CAV1: variants seen among roughly 807,000 people sequenced by gnomAD.
The protein encoded by CAV1 is caveolin 1, also known as caveolin-1.
Under a neutral mutation model 16.5 loss-of-function variants are expected in CAV1, and 10 were observed. That is an observed-to-expected ratio of 0.61 (90% CI 0.37 to 1.03). CAV1 has a LOEUF of 1.03. Ranked by LOEUF, CAV1 falls within the 50% of genes least tolerant of loss-of-function variation. The pLI, the probability that CAV1 is intolerant of heterozygous loss-of-function variation, is 0.01. For missense variants in CAV1, 212 were observed against 232.8 expected (o/e 0.91, Z 0.58); for synonymous variants, 76 against 85.1 (o/e 0.89, Z 0.59).
intron 2 of CAV1, among the ~76,000 whole-genome samples, chr7:116,534,548 C>T (rs745318728): frequency 4.0e-5 from 6 of 149,860 alleles, no homozygotes; most frequent in Admixed American, 6.7e-5. Flanking sequence ...TACAGGCGCC[C>T]GCCACCACGG....
rs1168355475 is a variant in CAV1 at position 116,560,522 on chromosome 7, A to T, written c.*1235A>T. ...CCCCCTGCCAGGAGCTTTGGACCTA[A>T]TCCAAGCATCCCTTTGCCCAGAAAG... On this transcript the variant is annotated 3_prime_UTR_variant, in exon 3 of 3. Transcript: ENST00000341049. The T allele has an allele frequency of 6.6e-6, 1 of 152,192 alleles. No homozygotes were observed. Among genetic ancestry groups the T allele is most frequent in the Non-Finnish European group, 1.5e-5 (1 of 68,042 alleles). 9.4% of individuals were successfully genotyped at this position (152,192 alleles called of 1,614,324 possible). A position where few individuals can be genotyped will look rare whatever the true frequency, so the allele number is the denominator to read the frequency against.
chr7:116,545,244 G>A (rs1794017720), intron 2 of CAV1, among the ~76,000 whole-genome samples: 2 of 152,106 alleles, frequency 1.3e-5, no homozygotes, highest in African/African-American at 4.8e-5. Context: ...TAGAGAAGCG[G>A]GGATGCTTAT....
chr7:116,530,212 T>TTTTC (rs1162219367), intron 2 of CAV1, among the ~76,000 whole-genome samples: 1 of 149,364 alleles, frequency 6.7e-6, no homozygotes, highest in East Asian at 1.9e-4. Context: ...TTTTTCCTTT[T>TTTTC]TTTTTTTTTG....
At chr7:116,548,062 C>T (rs1358976451) in intron 2 of CAV1, among the ~76,000 whole-genome samples, 5 of 152,140 alleles carry the variant, frequency 3.3e-5, no homozygotes. Context: ...CAGATCTGCT[C>T]TCCTAGCAGA....
intron 2 of CAV1, among the ~76,000 whole-genome samples, chr7:116,530,208 C>CTCTTTTTTTTT (rs370865342): frequency 8.0e-6 from 1 of 125,360 alleles, no homozygotes; most frequent in African/African-American, 3.2e-5. Flanking sequence ...GTCCTTTTTC[C>CTCTTTTTTTTT]TTTTTTTTTT....
At chr7:116,533,566 A>G (rs1234256341) in intron 2 of CAV1, among the ~76,000 whole-genome samples, 5 of 152,088 alleles carry the variant, frequency 3.3e-5, no homozygotes, top group Non-Finnish European at 7.4e-5. Flanking sequence ...TCCTGGGCTC[A>G]AGCAACTCCT....
At chr7:116,554,114 T>A (rs1364664658) in intron 2 of CAV1, among the ~76,000 whole-genome samples, 4 of 152,176 alleles carry the variant, frequency 2.6e-5, no homozygotes, top group African/African-American at 7.2e-5. Context: ...GCTTTAAGAA[T>A]CCCTTTAGCT....
chr7:116,525,199 C>A, intron 1 of CAV1, 107 bp downstream of exon 1: 2 of 1,613,590 alleles, frequency 1.2e-6, no homozygotes, highest in South Asian at 2.2e-5. Flanking sequence ...GCCCTCTCTC[C>A]ACTTCGGAGC....
At position 116,559,808 on chromosome 7, in the gene CAV1, C is replaced by A. The variant is rs878866269; in HGVS notation, c.*521C>A. ...CATTCACTTCATAATCCAGTAGGAT[C>A]CAGTGATCCTTACAAGTTAGAAAAC... On this transcript the variant is annotated 3_prime_UTR_variant, in exon 3 of 3. Transcript: ENST00000341049. 2.5e-5 allele frequency: 10 copies of A among 406,368 alleles called. No individual in the cohort carries two copies. In the South Asian group the frequency reaches 1.2e-3, roughly 47 times the overall value. The allele number at this position is 406,368 out of a possible 1,614,324, so 25.2% of individuals were successfully genotyped here.
At chr7:116,543,218 G>A (rs1351523931) in intron 2 of CAV1, among the ~76,000 whole-genome samples, 1 of 152,150 alleles carries the variant, frequency 6.6e-6, no homozygotes, top group African/African-American at 2.4e-5. Flanking sequence ...GATTCTAGTT[G>A]ACCAGTATTC....
In CAV1 at chr7:116,559,379, A is replaced by C. The variant is rs543002723; in HGVS notation, c.*92A>C. 2,072 of 806,820 alleles carry C rather than the reference A, an allele frequency of 2.6e-3. 8 individuals are homozygous for C. Among genetic ancestry groups the C allele is most frequent in the Non-Finnish European group, 2.9e-3 (1,380 of 476,002 alleles). The allele number at this position is 806,820 out of a possible 1,614,324, so 50.0% of individuals were successfully genotyped here. On this transcript the variant is annotated 3_prime_UTR_variant, in exon 3 of 3. Transcript: ENST00000341049. ...AGTTCCAAGTTGCTAATACAGCAACAATTTATGAATTGAATTATCTTGGTT... is the reference window on the plus strand; with the variant it reads ...AGTTCCAAGTTGCTAATACAGCAACCATTTATGAATTGAATTATCTTGGTT...
intron 1 of CAV1, 152 bp downstream of exon 1, chr7:116,525,244 C>T (rs543709707): frequency 6.2e-7 from 1 of 1,608,200 alleles, no homozygotes; most frequent in South Asian, 1.1e-5. Flanking sequence ...AGGAATGGGC[C>T]TGGGCGGGGA....
At chr7:116,554,135 A>G (rs1170955476) in intron 2 of CAV1, among the ~76,000 whole-genome samples, 1 of 152,204 alleles carries the variant, frequency 6.6e-6, no homozygotes, top group Non-Finnish European at 1.5e-5. Context: ...TTAAATATCT[A>G]TGAATCTGCT....
At chr7:116,549,478 T>C (rs1209837370) in intron 2 of CAV1, among the ~76,000 whole-genome samples, 1 of 152,212 alleles carries the variant, frequency 6.6e-6, no homozygotes, top group Non-Finnish European at 1.5e-5. Context: ...CTCCATTTCA[T>C]TTTGAGAATG....
chr7:116,526,850 C>A, intron 2 of CAV1, 161 bp downstream of exon 2: 5 of 764,092 alleles, frequency 6.5e-6, no homozygotes, highest in Non-Finnish European at 8.7e-6. Context: ...TGTGTGGGAG[C>A]TCCCGCAGTC....
intron 2 of CAV1, among the ~76,000 whole-genome samples, chr7:116,530,994 T>C (rs150519818): frequency 1.4e-4 from 21 of 152,292 alleles, no homozygotes; most frequent in Middle Eastern, 3.4e-3. Flanking sequence ...ATGAAGACAA[T>C]GCGAAGTGGC....
chr7:116,540,995 C>T lies in CAV1; in HGVS notation c.195+14306C>T, dbSNP rs189051030. Among the ~76,000 whole-genome samples the T allele has an allele frequency of 7.2e-4, 109 of 152,302 alleles. 1 individual carries two copies. Among genetic ancestry groups the T allele is most frequent in the African/African-American group, 2.4e-3 (101 of 41,562 alleles). ...GTAAACACACCCATAGATGAATCCA[C>T]ATGCCATACCTCCTTGAGTAAGTGG... is the stretch of plus-strand genomic sequence containing the variant. On this transcript the variant is annotated intron_variant, in intron 2 of 2. Coordinates refer to ENST00000341049, the MANE Select transcript of CAV1 (RefSeq NM_001753.5).
intron 1 of CAV1, 33 bp from the exon 2 acceptor site, chr7:116,526,492 C>G: frequency 6.2e-7 from 1 of 1,613,362 alleles, no homozygotes; most frequent in Non-Finnish European, 8.5e-7. Context: ...GCCGCCCTCC[C>G]CGTCCTGGCC....
At chr7:116,552,517 A>G (rs1427360860) in intron 2 of CAV1, among the ~76,000 whole-genome samples, 3 of 152,200 alleles carry the variant, frequency 2.0e-5, no homozygotes, top group Non-Finnish European at 4.4e-5. Flanking sequence ...ATAAAGGTAT[A>G]TCTAAGTCAC....
Sources: gnomAD v4.1 joint callset for allele counts (sites outside exome capture counted in the v4.1 genomes callset) on GRCh38, gnomAD v4.1.1 for gene constraint, MANE v1.5 for transcripts, NCBI Gene and HGNC (gene_info 2026-07-23, HGNC 2026-07-21) for gene names.